SPATA17: variants seen among roughly 807,000 people sequenced by gnomAD.
SPATA17 encodes the protein spermatogenesis-associated protein 17.
In SPATA17, 53 loss-of-function variants were observed where a neutral mutation model predicts 62.2. The ratio of observed to expected loss-of-function variants is 0.85; its 90% CI spans 0.68 to 1.07. The LOEUF (loss-of-function observed/expected upper bound fraction) is 1.07. Ranked by LOEUF, SPATA17 falls within the 50% of genes least tolerant of loss-of-function variation. SPATA17 has a pLI of 0.00. For missense variants in SPATA17, 466 were observed against 425.5 expected (o/e 1.10, Z -0.84); for synonymous variants, 146 against 146.8 (o/e 0.99, Z 0.04).
In SPATA17 at chr1:217,649,934, CTTTTT is replaced by C. The variant is rs771612819; in HGVS notation, c.158+979_158+983del. Among the ~76,000 whole-genome samples, 3 of 120,460 alleles carry C rather than the reference CTTTTT, an allele frequency of 2.5e-5. No individual in the cohort carries two copies. The Admixed American group carries it at 2.7e-4, about 11-fold the overall frequency. 79.0% of individuals were successfully genotyped at this position (120,460 alleles called of 152,430 possible). A position where few individuals can be genotyped will look rare whatever the true frequency, so the allele number is the denominator to read the frequency against. ...TAAAGTGTGAAGACAAGGCTTCTCT[CTTTTT>C]TTTTTTTTTTTTTTTCTGAAACGGA... On this transcript the variant is annotated intron_variant, in intron 2 of 10. Coordinates refer to ENST00000366933, the MANE Select transcript of SPATA17 (RefSeq NM_138796.4).
chr1:217,685,317 T>C (rs913108239), intron 5 of SPATA17, among the ~76,000 whole-genome samples: 5 of 152,154 alleles, frequency 3.3e-5, no homozygotes, highest in African/African-American at 4.8e-5. Flanking sequence ...AGGAGGCAAA[T>C]AGGTAAAGAG....
At chr1:217,666,195 A>G (rs1285890101) in intron 3 of SPATA17, among the ~76,000 whole-genome samples, 1 of 152,206 alleles carries the variant, frequency 6.6e-6, no homozygotes, top group African/African-American at 2.4e-5. Context: ...ATTAATAAAT[A>G]AGAATTTTGT....
intron 1 of SPATA17, among the ~76,000 whole-genome samples, chr1:217,646,040 A>G (rs1047581781): frequency 2.0e-5 from 3 of 151,880 alleles, no homozygotes; most frequent in African/African-American, 7.3e-5. Context: ...AACTTTGGAG[A>G]TATGTGTTTC....
At position 217,850,669 on chromosome 1, in the gene SPATA17, C is replaced by A. The variant is rs529027957; in HGVS notation, c.1006-12105C>A. The A allele has an allele frequency of 2.0e-6, 3 of 1,515,206 alleles. No homozygotes were observed. In the African/African-American group the frequency reaches 4.1e-5, roughly 21 times the overall value. The allele number at this position is 1,515,206 out of a possible 1,614,324, so 93.9% of individuals were successfully genotyped here. On this transcript the variant is annotated intron_variant, in intron 9 of 10. Transcript: ENST00000366933. Reference sequence around the variant, plus strand: ...TAGCAGATACGAGGATGCTGCGAATCGCCAGTCATGTCCAGCCACAGGAAC... The same window carrying A: ...TAGCAGATACGAGGATGCTGCGAATAGCCAGTCATGTCCAGCCACAGGAAC...
chr1:217,801,011 A>G (rs1674296591), intron 8 of SPATA17, among the ~76,000 whole-genome samples: 1 of 152,170 alleles, frequency 6.6e-6, no homozygotes, highest in Non-Finnish European at 1.5e-5. Flanking sequence ...TGATGATGGT[A>G]ATGATAATGG....
At chr1:217,729,107 G>A (rs1035789506) in intron 5 of SPATA17, among the ~76,000 whole-genome samples, 19 of 152,174 alleles carry the variant, frequency 1.2e-4, no homozygotes, top group African/African-American at 2.9e-4. Context: ...TACTAAATGC[G>A]GAGTGTCATT....
At chr1:217,787,540 T>C (rs1177640877) in intron 8 of SPATA17, among the ~76,000 whole-genome samples, 1 of 152,170 alleles carries the variant, frequency 6.6e-6, no homozygotes, top group Non-Finnish European at 1.5e-5. Context: ...ATGAATCTCC[T>C]CAAATCCATT....
At chr1:217,810,306 TAAG>T (rs887083412) in intron 9 of SPATA17, among the ~76,000 whole-genome samples, 9 of 152,306 alleles carry the variant, frequency 5.9e-5, no homozygotes, top group African/African-American at 2.2e-4. Context: ...CATACATACT[TAAG>T]AAAAATAATC....
chr1:217,679,611 T>A (rs528952317), intron 4 of SPATA17, among the ~76,000 whole-genome samples: 1 of 152,326 alleles, frequency 6.6e-6, no homozygotes, highest in East Asian at 1.9e-4. Context: ...CGCTTACTTA[T>A]TACATTCTTT....
Position 217,653,914 on chromosome 1 carries a change from C to A in SPATA17, c.240+2736C>A, listed in dbSNP as rs12029760. 1.1e-3 allele frequency among the ~76,000 whole-genome samples: 160 copies of A among 152,196 alleles called. 2 individuals are homozygous for A. The East Asian group carries it at 0.014, about 13-fold the overall frequency. ...TATTCTATCCAAACTTAATTTATAC[C>A]ATTTTAATACAGAATTTTTATTTCA... On this transcript the variant is annotated intron_variant, in intron 3 of 10. Transcript: ENST00000366933.
intron 7 of SPATA17, chr1:217,781,386 T>A (rs1252461836): frequency 3.3e-5 from 5 of 152,172 alleles, no homozygotes; most frequent in Non-Finnish European, 7.4e-5. Flanking sequence ...AAAACCAATA[T>A]GCAATTAATG....
intron 8 of SPATA17, among the ~76,000 whole-genome samples, chr1:217,798,932 G>A (rs977861416): frequency 5.3e-5 from 8 of 150,362 alleles, no homozygotes; most frequent in Non-Finnish European, 8.9e-5. Flanking sequence ...CTGGAGAGCA[G>A]TGGCTCGATC....
intron 6 of SPATA17, among the ~76,000 whole-genome samples, chr1:217,771,009 G>A (rs1401936605): frequency 1.0e-4 from 1 of 9,654 alleles, no homozygotes; most frequent in Non-Finnish European, 2.4e-4. Flanking sequence ...TTTTTTTTTT[G>A]CCTTTTGACG....
chr1:217,787,173 T>G (rs1346888005), intron 8 of SPATA17, among the ~76,000 whole-genome samples: 2 of 152,112 alleles, frequency 1.3e-5, no homozygotes, highest in Non-Finnish European at 2.9e-5. Context: ...ACTGTCTTAA[T>G]TTAGGCACCT....
intron 6 of SPATA17, among the ~76,000 whole-genome samples, chr1:217,743,096 A>G (rs1672662433): frequency 6.6e-6 from 1 of 151,878 alleles, no homozygotes. Flanking sequence ...GGATTTGTGT[A>G]GCTGAGTTAT....
chr1:217,716,399 T>C (rs1294031203), intron 5 of SPATA17, among the ~76,000 whole-genome samples: 1 of 152,184 alleles, frequency 6.6e-6, no homozygotes, highest in Admixed American at 6.5e-5. Flanking sequence ...TGCCCTCCTT[T>C]TGCAATCACA....
At chr1:217,735,473 C>T (rs1008238023) in intron 5 of SPATA17, among the ~76,000 whole-genome samples, 8 of 152,160 alleles carry the variant, frequency 5.3e-5, no homozygotes, top group Non-Finnish European at 7.4e-5. Flanking sequence ...AATGCCATCA[C>T]ATTTAGGATT....
rs1673025390 is a variant in SPATA17 at position 217,755,690 on chromosome 1, TA to T, written c.519+13595del. On this transcript the variant is annotated intron_variant, in intron 6 of 10. Coordinates refer to ENST00000366933, the MANE Select transcript of SPATA17 (RefSeq NM_138796.4). ...TATAATTTCTGTTTTAACATCCCACTAAATAAATGTGAATCCCTTAAAATAA... is the reference window on the plus strand; with the variant it reads ...TATAATTTCTGTTTTAACATCCCACTAATAAATGTGAATCCCTTAAAATAA... Among the ~76,000 whole-genome samples the T allele has an allele frequency of 2.0e-5, 3 of 151,920 alleles. No homozygotes were observed. The South Asian group carries it at 6.2e-4, about 31-fold the overall frequency.
intron 7 of SPATA17, among the ~76,000 whole-genome samples, chr1:217,775,073 C>T (rs570349910): frequency 6.6e-6 from 1 of 152,188 alleles, no homozygotes; most frequent in Non-Finnish European, 1.5e-5. Context: ...AACTGCCATA[C>T]TGTTTCTCAT....
Sources: allele counts gnomAD v4.1 joint callset (sites outside exome capture counted in the v4.1 genomes callset), GRCh38; gene constraint gnomAD v4.1.1; transcripts MANE v1.5; gene names NCBI Gene and HGNC (gene_info 2026-07-23, HGNC 2026-07-21).